Variants in RNF2 observed in about 807,000 individuals in gnomAD.
RNF2 encodes E3 ubiquitin-protein ligase RING2.
In RNF2, 6 loss-of-function variants were observed where a neutral mutation model predicts 37.2. The observed-to-expected ratio is 0.16, with a 90% CI of 0.09 to 0.32. The LOEUF (loss-of-function observed/expected upper bound fraction) is 0.32, where lower values mean the gene tolerates loss of function less well. Ranked by LOEUF, RNF2 falls within the 10% of genes least tolerant of loss-of-function variation. RNF2 has a pLI of 1.00. For synonymous variants in RNF2, 133 were observed against 132.7 expected (o/e 1.00, Z -0.02); for missense variants, 251 against 404.0 (o/e 0.62, Z 3.25).
At chr1:185,064,031 A>G (rs983303212) in intron 1 of RNF2, among the ~76,000 whole-genome samples, 1 of 152,202 alleles carries the variant, frequency 6.6e-6, no homozygotes, top group Non-Finnish European at 1.5e-5. Context: ...TAAGGTTAAC[A>G]TGCACAAATT....
intron 5 of RNF2, among the ~76,000 whole-genome samples, 199 bp from the exon 6 acceptor site, chr1:185,099,592 G>A (rs968660540): frequency 2.0e-5 from 3 of 152,040 alleles, no homozygotes; most frequent in Non-Finnish European, 4.4e-5. Flanking sequence ...AAGATATTGA[G>A]TATTTACTTT....
At chr1:185,067,894 A>G (rs764641936) in intron 1 of RNF2, among the ~76,000 whole-genome samples, 1 of 151,544 alleles carries the variant, frequency 6.6e-6, no homozygotes, top group Non-Finnish European at 1.5e-5. Flanking sequence ...TATTTTTAAT[A>G]CAGATGGGGT....
rs184006594 is a variant in RNF2 at position 185,054,003 on chromosome 1, C to A, written c.-3+8354C>A. ...TTCCTGTTAATCTACATTCCCCCCCCACCCAGTGTTTCTCTAGCACGCAAA... is the reference window on the plus strand; with the variant it reads ...TTCCTGTTAATCTACATTCCCCCCCAACCCAGTGTTTCTCTAGCACGCAAA... On this transcript the variant is annotated intron_variant, in intron 1 of 6. Coordinates refer to ENST00000367510, the MANE Select transcript of RNF2 (RefSeq NM_007212.4). Among the ~76,000 whole-genome samples the A allele has an allele frequency of 4.6e-3, 696 of 152,258 alleles. 3 individuals are homozygous for A. The highest frequency in any genetic ancestry group is 0.014 in the Middle Eastern group (4 of 294).
intron 1 of RNF2, among the ~76,000 whole-genome samples, chr1:185,056,362 T>C (rs79451745): frequency 2.0e-5 from 3 of 151,994 alleles, no homozygotes; most frequent in South Asian, 2.1e-4. Context: ...TTTTTTTTTT[T>C]TCTCATTTTT....
intron 1 of RNF2, among the ~76,000 whole-genome samples, chr1:185,065,310 T>C (rs2102165638): frequency 6.6e-6 from 1 of 152,288 alleles, no homozygotes; most frequent in Non-Finnish European, 1.5e-5. Context: ...CTCTGTAAAA[T>C]GGACCAATCA....
chr1:185,085,145 CTTT>C (rs71555455), intron 1 of RNF2, among the ~76,000 whole-genome samples: 43 of 103,206 alleles, frequency 4.2e-4, no homozygotes, highest in South Asian at 2.7e-3. Context: ...CTTTCTTTTT[CTTT>C]TTTTTTTTTT....
intron 2 of RNF2, among the ~76,000 whole-genome samples, chr1:185,087,927 T>C (rs1403638551): frequency 3.9e-5 from 6 of 152,150 alleles, no homozygotes; most frequent in Admixed American, 3.9e-4. Flanking sequence ...AAAATTCACA[T>C]GTGAGAAGTT....
At chr1:185,076,268 G>GTTTTT (rs71101959) in intron 1 of RNF2, among the ~76,000 whole-genome samples, 464 of 27,326 alleles carry the variant, frequency 0.017, 162 homozygotes, top group Non-Finnish European at 0.028. Context: ...TTTATGGGTT[G>GTTTTT]TTTTTTTTTT....
intron 1 of RNF2, among the ~76,000 whole-genome samples, chr1:185,061,431 A>C (rs1650601010): frequency 6.6e-6 from 1 of 151,930 alleles, no homozygotes; most frequent in South Asian, 2.1e-4. Flanking sequence ...AACCCACCAA[A>C]CAAAAAAAAA....
At chr1:185,067,437 TAAGG>T (rs1650828531) in intron 1 of RNF2, among the ~76,000 whole-genome samples, 1 of 152,160 alleles carries the variant, frequency 6.6e-6, no homozygotes. Context: ...TTGCTTTAAT[TAAGG>T]AAGAAATTAT....
chr1:185,059,934 C>T (rs1460929953), intron 1 of RNF2, among the ~76,000 whole-genome samples: 2 of 152,190 alleles, frequency 1.3e-5, no homozygotes, highest in Non-Finnish European at 2.9e-5. Context: ...TACCTGACCA[C>T]AGATTTAATT....
intron 4 of RNF2, among the ~76,000 whole-genome samples, chr1:185,095,351 G>A (rs985143746): frequency 2.6e-5 from 4 of 152,202 alleles, no homozygotes; most frequent in Non-Finnish European, 5.9e-5. Flanking sequence ...CACCAAGCAT[G>A]CTTCTGCCTC....
intron 1 of RNF2, among the ~76,000 whole-genome samples, chr1:185,078,875 T>C (rs1043995894): frequency 1.3e-5 from 2 of 152,164 alleles, no homozygotes; most frequent in Admixed American, 6.5e-5. Flanking sequence ...TGAAACCTCG[T>C]CTCTACTAAA....
At chr1:185,062,573 G>GT (rs1409762250) in intron 1 of RNF2, among the ~76,000 whole-genome samples, 8 of 152,030 alleles carry the variant, frequency 5.3e-5, no homozygotes, top group Non-Finnish European at 5.9e-5. Context: ...ATAGGTGGTT[G>GT]TTTTTTATAA....
At chr1:185,086,583 A>G (rs1188735701) in intron 1 of RNF2, among the ~76,000 whole-genome samples, 1 of 152,346 alleles carries the variant, frequency 6.6e-6, no homozygotes, top group South Asian at 2.1e-4. Context: ...GGGATATGAT[A>G]CCACTTTCCA....
At chr1:185,062,685 G>A (rs1020539571) in intron 1 of RNF2, among the ~76,000 whole-genome samples, 1 of 151,894 alleles carries the variant, frequency 6.6e-6, no homozygotes, top group Non-Finnish European at 1.5e-5. Context: ...AAAAGACAAA[G>A]CAGCAAACTG....
intron 1 of RNF2, among the ~76,000 whole-genome samples, chr1:185,078,498 C>CGAA (rs1442824153): frequency 6.6e-6 from 1 of 152,116 alleles, no homozygotes; most frequent in African/African-American, 2.4e-5. Flanking sequence ...TCCTCTTCTC[C>CGAA]CCCTTGATTG....
intron 1 of RNF2, among the ~76,000 whole-genome samples, chr1:185,081,284 G>A (rs1250231266): frequency 2.0e-5 from 3 of 152,156 alleles, no homozygotes; most frequent in Non-Finnish European, 2.9e-5. Context: ...GCTAGTTGTG[G>A]AAGTGTCTTC....
chr1:185,060,429 G>A (rs1178611007), intron 1 of RNF2, among the ~76,000 whole-genome samples: 4 of 152,174 alleles, frequency 2.6e-5, no homozygotes, highest in African/African-American at 9.7e-5. Flanking sequence ...TATCTGAGTA[G>A]GGATATGAAC....
Sources: allele counts gnomAD v4.1 joint callset (sites outside exome capture counted in the v4.1 genomes callset), GRCh38; gene constraint gnomAD v4.1.1; transcripts MANE v1.5; gene names NCBI Gene and HGNC (gene_info 2026-07-23, HGNC 2026-07-21).